The following CTNNA2 variants were observed in gnomAD, a reference collection of about 807,000 sequenced individuals.
The protein encoded by CTNNA2 is catenin alpha-2.
A neutral mutation model predicts 101.0 loss-of-function variants in CTNNA2; 42 were observed. The ratio of observed to expected loss-of-function variants is 0.42; its 90% CI spans 0.32 to 0.54. The LOEUF (loss-of-function observed/expected upper bound fraction) is 0.54. Ranked by LOEUF, CTNNA2 falls within the 20% of genes least tolerant of loss-of-function variation. CTNNA2 has a pLI of 0.14. For synonymous variants in CTNNA2, 450 were observed against 456.4 expected (o/e 0.99, Z 0.18); for missense variants, 871 against 1,223.1 (o/e 0.71, Z 4.29).
chr2:80,188,873 G>A (rs140307082), intron 7 of CTNNA2, among the ~76,000 whole-genome samples: 18 of 152,046 alleles, frequency 1.2e-4, no homozygotes, highest in Middle Eastern at 3.4e-3. Flanking sequence ...GATATCTTTG[G>A]GGGAGTGCCT....
Position 80,007,953 on chromosome 2 carries a change from G to A in CTNNA2, c.1056+98156G>A, listed in dbSNP as rs1316210618. ...AGTTTCGTACTCTATGAGAGCCTCA[G>A]ACCCACTTCATTAACTTGTAATGTT... On this transcript the variant is annotated intron_variant, in intron 7 of 18. Coordinates refer to ENST00000402739, the MANE Select transcript of CTNNA2 (RefSeq NM_001282597.3). Among the ~76,000 whole-genome samples, 7 of 152,148 alleles carry A rather than the reference G, an allele frequency of 4.6e-5. No individual in the cohort carries two copies. The East Asian group carries it at 1.4e-3, about 29-fold the overall frequency.
intron 4 of CTNNA2, among the ~76,000 whole-genome samples, chr2:79,428,709 A>G (rs1678618993): frequency 6.6e-6 from 1 of 152,142 alleles, no homozygotes; most frequent in African/African-American, 2.4e-5. Flanking sequence ...AATGACAGCC[A>G]TGAGGCTGTT....
At chr2:80,615,052 A>C (rs1698742040) in intron 17 of CTNNA2, among the ~76,000 whole-genome samples, 1 of 151,448 alleles carries the variant, frequency 6.6e-6, no homozygotes, top group East Asian at 1.9e-4. Flanking sequence ...AAAAAAGTTG[A>C]TATGTGAACA....
intron 7 of CTNNA2, among the ~76,000 whole-genome samples, chr2:80,216,140 A>G (rs1708255046): frequency 6.6e-6 from 1 of 152,052 alleles, no homozygotes; most frequent in African/African-American, 2.4e-5. Flanking sequence ...GAGTATACCG[A>G]TTTTCCAGGT....
intron 14 of CTNNA2, among the ~76,000 whole-genome samples, chr2:80,587,096 G>T (rs1268391382): frequency 6.6e-6 from 1 of 152,072 alleles, no homozygotes; most frequent in Admixed American, 6.6e-5. Flanking sequence ...AATGATCTTA[G>T]TTCAGGTGGG....
chr2:80,642,224 C>T (rs1024379938), intron 18 of CTNNA2, among the ~76,000 whole-genome samples: 10 of 152,152 alleles, frequency 6.6e-5, no homozygotes, highest in Non-Finnish European at 1.0e-4. Context: ...TCACCAACAA[C>T]CTCTTATTAA....
chr2:80,162,666 G>GGT, intron 7 of CTNNA2: 1 of 1,612,570 alleles, frequency 6.2e-7, no homozygotes, highest in Non-Finnish European at 8.5e-7. Context: ...CTGTGATGAT[G>GGT]GTGTACCTTG....
intron 3 of CTNNA2, among the ~76,000 whole-genome samples, chr2:79,807,039 C>T (rs1323908437): frequency 6.6e-6 from 1 of 152,112 alleles, no homozygotes; most frequent in South Asian, 2.1e-4. Flanking sequence ...CCTTTGACTT[C>T]TCTGCTCTCT....
intron 7 of CTNNA2, among the ~76,000 whole-genome samples, chr2:80,287,694 A>C (rs1479022346): frequency 6.6e-6 from 1 of 152,168 alleles, no homozygotes; most frequent in Non-Finnish European, 1.5e-5. Flanking sequence ...TTTGCTCTGC[A>C]TCACACAGCT....
intron 7 of CTNNA2, among the ~76,000 whole-genome samples, chr2:80,107,559 T>G (rs566312541): frequency 6.6e-6 from 1 of 152,360 alleles, no homozygotes; most frequent in Admixed American, 6.5e-5. Context: ...TAAAATTCTC[T>G]GCCTCACCAT....
At chr2:79,887,154 G>A (rs2974164) in intron 6 of CTNNA2, among the ~76,000 whole-genome samples, 40,461 of 150,604 alleles carry the variant, frequency 0.27, 5,772 homozygotes, top group Middle Eastern at 0.36. Context: ...GGCTGCAGTG[G>A]CTGCCGGGGG....
At chr2:79,245,434 A>C (rs1674686561) in intron 2 of CTNNA2, among the ~76,000 whole-genome samples, 1 of 152,190 alleles carries the variant, frequency 6.6e-6, no homozygotes, top group Non-Finnish European at 1.5e-5. Context: ...TAGGTGACAG[A>C]GCTAGACTCC....
At chr2:79,336,351 A>T (rs1676994380) in intron 3 of CTNNA2, among the ~76,000 whole-genome samples, 1 of 152,172 alleles carries the variant, frequency 6.6e-6, no homozygotes. Flanking sequence ...CCCAGCCTTT[A>T]GGACACACAC....
At chr2:79,425,269 C>T (rs532627111) in intron 4 of CTNNA2, among the ~76,000 whole-genome samples, 1 of 152,192 alleles carries the variant, frequency 6.6e-6, no homozygotes, top group Non-Finnish European at 1.5e-5. Context: ...CACAGAAGAC[C>T]GGTTCCTGCA....
chr2:80,444,314 T>C (rs1682877819), intron 9 of CTNNA2, among the ~76,000 whole-genome samples: 1 of 152,210 alleles, frequency 6.6e-6, no homozygotes, highest in African/African-American at 2.4e-5. Flanking sequence ...GAAAGGAGAC[T>C]ACTTCTGCTA....
intron 4 of CTNNA2, among the ~76,000 whole-genome samples, chr2:79,860,546 G>GTTTTTTT (rs56929879): frequency 0.023 from 2,502 of 107,110 alleles, 135 homozygotes; most frequent in African/African-American, 0.038. Flanking sequence ...AGTAAGGGAA[G>GTTTTTTT]TTTTTTTTTT....
intron 11 of CTNNA2, among the ~76,000 whole-genome samples, chr2:80,546,850 ACAT>A (rs1692119541): frequency 6.6e-6 from 1 of 152,204 alleles, no homozygotes; most frequent in South Asian, 2.1e-4. Flanking sequence ...GTCACTGGAA[ACAT>A]CAGCCTTCTT....
rs57813087 is a variant in CTNNA2, at chr2:80,009,726, C to CTGTGTG, written c.1056+99949_1056+99954dup. On this transcript the variant is annotated intron_variant, in intron 7 of 18. Coordinates refer to ENST00000402739, the MANE Select transcript of CTNNA2 (RefSeq NM_001282597.3). The stretch of plus-strand genomic sequence containing the variant: ...TAGACTATACAAAGCTGGTGTGTGT[C>CTGTGTG]TGTGTGTGTGTGTGTGTGTGTGTGT... 3.7e-3 allele frequency among the ~76,000 whole-genome samples: 547 copies of CTGTGTG among 147,912 alleles called. 9 individuals carry two copies. Among genetic ancestry groups the CTGTGTG allele is most frequent in the African/African-American group, 0.013 (527 of 40,586 alleles).
chr2:79,243,320 TA>T (rs1289354742), intron 2 of CTNNA2, among the ~76,000 whole-genome samples: 1 of 152,014 alleles, frequency 6.6e-6, no homozygotes, highest in East Asian at 1.9e-4. Context: ...TCTCAACTTG[TA>T]AAAAAAGTAC....
Sources: gnomAD v4.1 joint callset for allele counts (sites outside exome capture counted in the v4.1 genomes callset) on GRCh38, gnomAD v4.1.1 for gene constraint, MANE v1.5 for transcripts, NCBI Gene and HGNC (gene_info 2026-07-23, HGNC 2026-07-21) for gene names.